The following PTGFRN variants were observed in gnomAD, a reference collection of about 807,000 sequenced individuals.
PTGFRN encodes the protein prostaglandin F2 receptor inhibitor, also known as prostaglandin F2 receptor negative regulator.
A neutral mutation model predicts 83.2 loss-of-function variants in PTGFRN; 35 were observed. The observed-to-expected ratio is 0.42, with a 90% confidence interval of 0.32 to 0.56. The LOEUF (loss-of-function observed/expected upper bound fraction) is 0.56. Among genes scored for constraint, PTGFRN ranks in the 20% least tolerant of loss-of-function variants. PTGFRN has a pLI of 0.11. For missense variants in PTGFRN, 1,051 were observed against 1,179.5 expected (o/e 0.89, Z 1.60); for synonymous variants, 519 against 498.6 (o/e 1.04, Z -0.55).
chr1:116,973,761 G>A (rs1202320106), intron 6 of PTGFRN, among the ~76,000 whole-genome samples: 2 of 151,986 alleles, frequency 1.3e-5, no homozygotes, highest in African/African-American at 4.8e-5. Flanking sequence ...TTGGTAACAG[G>A]GCCCCTTTCC....
At chr1:116,926,538 A>AT (rs777698407) in intron 1 of PTGFRN, among the ~76,000 whole-genome samples, 2 of 152,150 alleles carry the variant, frequency 1.3e-5, no homozygotes, top group Non-Finnish European at 2.9e-5. Flanking sequence ...ATCAGTACAG[A>AT]TTGCCTCTAA....
chr1:116,983,020 G>A (rs1338487315), intron 7 of PTGFRN, among the ~76,000 whole-genome samples: 1 of 152,158 alleles, frequency 6.6e-6, no homozygotes, highest in Non-Finnish European at 1.5e-5. Context: ...GAGCATGTGT[G>A]TTGAGCTGTG....
At chr1:116,910,443 A>C (rs534709741) in intron 1 of PTGFRN, among the ~76,000 whole-genome samples, 191 bp downstream of exon 1, 1 of 150,358 alleles carries the variant, frequency 6.7e-6, no homozygotes, top group African/African-American at 2.4e-5. Context: ...GCCTGGCGCG[A>C]ATCCGCTCGG....
chr1:116,972,218 G>A (rs190027158), intron 6 of PTGFRN, among the ~76,000 whole-genome samples: 1 of 152,314 alleles, frequency 6.6e-6, no homozygotes, highest in East Asian at 1.9e-4. Context: ...ATGATGTCCA[G>A]AAGTAGGTCA....
chr1:116,968,814 T>C (rs888923357), intron 6 of PTGFRN, among the ~76,000 whole-genome samples: 2 of 152,186 alleles, frequency 1.3e-5, no homozygotes, highest in African/African-American at 4.8e-5. Context: ...TGTGGACTTT[T>C]GTGACTTGCT....
intron 5 of PTGFRN, among the ~76,000 whole-genome samples, chr1:116,963,848 T>TACAATAA (rs1650743313): frequency 6.6e-6 from 1 of 151,976 alleles, no homozygotes; most frequent in African/African-American, 2.4e-5. Flanking sequence ...AATGGCTTAT[T>TACAATAA]GTAGCTTCAG....
intron 4 of PTGFRN, among the ~76,000 whole-genome samples, chr1:116,951,499 G>A (rs976452386): frequency 2.0e-5 from 3 of 152,134 alleles, no homozygotes; most frequent in Admixed American, 6.5e-5. Context: ...TTAGCTGAAC[G>A]GGTAAATAAA....
intron 5 of PTGFRN, among the ~76,000 whole-genome samples, chr1:116,962,872 C>T (rs1437686261): frequency 3.9e-5 from 6 of 152,188 alleles, no homozygotes; most frequent in African/African-American, 9.7e-5. Context: ...CACTAGGGTG[C>T]CCATTTGTAG....
intron 5 of PTGFRN, chr1:116,962,571 C>T (rs1650694759): frequency 6.6e-6 from 1 of 152,668 alleles, no homozygotes; most frequent in Admixed American, 6.5e-5. Flanking sequence ...TACAGTTAAT[C>T]CTGTCATTCT....
intron 5 of PTGFRN, among the ~76,000 whole-genome samples, chr1:116,964,096 C>T (rs1650758443): frequency 6.6e-6 from 1 of 151,774 alleles, no homozygotes; most frequent in Non-Finnish European, 1.5e-5. Context: ...CTTTTTTATG[C>T]TAGTCTTGAT....
chr1:116,938,665 T>C (rs1337871742), intron 1 of PTGFRN, among the ~76,000 whole-genome samples: 4 of 152,190 alleles, frequency 2.6e-5, no homozygotes, highest in Non-Finnish European at 4.4e-5. Context: ...CCAAATCTCA[T>C]GTCCTCACAT....
In PTGFRN at chr1:116,970,042, A is replaced by G. The variant is rs1474334890; in HGVS notation, c.2059+2712A>G. Among the ~76,000 whole-genome samples, 17 of 152,204 alleles carry G rather than the reference A, an allele frequency of 1.1e-4. 1 individual carries two copies. The highest frequency in any genetic ancestry group is 1.1e-3 in the Admixed American group (17 of 15,276). The stretch of plus-strand genomic sequence containing the variant: ...AAATACAAGATTATGTCATCTGTGA[A>G]TAGAACTAGTTTTACTTCTCTCTTC... On this transcript the variant is annotated intron_variant, in intron 6 of 8. Transcript: ENST00000393203.
At chr1:116,959,695 C>T (rs781752474) in intron 4 of PTGFRN, among the ~76,000 whole-genome samples, 4 of 152,030 alleles carry the variant, frequency 2.6e-5, no homozygotes, top group South Asian at 2.1e-4. Context: ...CTTTATAGGC[C>T]GGGTGCGGTG....
intron 4 of PTGFRN, among the ~76,000 whole-genome samples, chr1:116,953,849 A>AT (rs1650411033): frequency 7.1e-6 from 1 of 140,148 alleles, no homozygotes; most frequent in Non-Finnish European, 1.6e-5. Flanking sequence ...CTTCATGAAT[A>AT]TTTCTTTTTT....
At chr1:116,972,477 T>C (rs571967890) in intron 6 of PTGFRN, among the ~76,000 whole-genome samples, 1 of 152,354 alleles carries the variant, frequency 6.6e-6, no homozygotes, top group East Asian at 1.9e-4. Context: ...GAATTCATCT[T>C]ATTAGTCATC....
chr1:116,935,781 T>G (rs1649905272), intron 1 of PTGFRN, among the ~76,000 whole-genome samples: 1 of 152,190 alleles, frequency 6.6e-6, no homozygotes, highest in African/African-American at 2.4e-5. Flanking sequence ...TGAAAGAATG[T>G]ACAATGGTCC....
At chr1:116,936,366 C>G (rs1649921377) in intron 1 of PTGFRN, among the ~76,000 whole-genome samples, 1 of 152,200 alleles carries the variant, frequency 6.6e-6, no homozygotes, top group Non-Finnish European at 1.5e-5. Flanking sequence ...GCATGCAAGA[C>G]AGTGCTCAGG....
Position 116,948,009 on chromosome 1 carries a change from C to T in PTGFRN, c.833-1183C>T, listed in dbSNP as rs59735117. Reference sequence around the variant, plus strand: ...AATATTGTCAGGCTTTGGACATATTCATATGAAAGTAATTTACGCCAAGGA... The same window carrying T: ...AATATTGTCAGGCTTTGGACATATTTATATGAAAGTAATTTACGCCAAGGA... On this transcript the variant is annotated intron_variant, in intron 3 of 8. Transcript: ENST00000393203. Among the ~76,000 whole-genome samples the T allele has an allele frequency of 4.5e-3, 683 of 152,234 alleles. 2 individuals are homozygous for T. The highest frequency in any genetic ancestry group is 0.016 in the African/African-American group (646 of 41,534).
In PTGFRN at chr1:116,910,143, A is replaced by AGGAGGAGGAGAGGCGGCGGG. The variant is rs1649221778; in HGVS notation, c.-59_-40dup. ...CTGGAGCAGCCGGAGCTGGAAGAGG[A>AGGAGGAGGAGAGGCGGCGGG]GGAGGAGGAGAGGCGGCGGGGAAGG... On this transcript the variant is annotated 5_prime_UTR_variant, in exon 1 of 9. Transcript: ENST00000393203. 6.7e-7 allele frequency: 1 copy of AGGAGGAGGAGAGGCGGCGGG among 1,491,020 alleles called. No individual in the cohort carries two copies. Among genetic ancestry groups the AGGAGGAGGAGAGGCGGCGGG allele is most frequent in the African/African-American group, 1.4e-5 (1 of 69,718 alleles). 92.4% of individuals were successfully genotyped at this position (1,491,020 alleles called of 1,614,324 possible). A position where few individuals can be genotyped will look rare whatever the true frequency, so the allele number is the denominator to read the frequency against.
Sources: allele counts gnomAD v4.1 joint callset (sites outside exome capture counted in the v4.1 genomes callset), GRCh38; gene constraint gnomAD v4.1.1; transcripts MANE v1.5; gene names NCBI Gene and HGNC (gene_info 2026-07-23, HGNC 2026-07-21).